SLC41A2: variants seen among roughly 807,000 people sequenced by gnomAD.
SLC41A2 encodes solute carrier family 41 member 2, also known as SLC41A1-like 1.
SLC41A2 carries 32 observed loss-of-function variants against 58.3 expected under a neutral mutation model. The observed-to-expected ratio is 0.55, with a 90% CI of 0.41 to 0.74. SLC41A2 has a LOEUF of 0.74. Ranked by LOEUF, SLC41A2 falls within the 30% of genes least tolerant of loss-of-function variation. The pLI is 0.00. For missense variants in SLC41A2, 514 were observed against 680.6 expected, an observed-to-expected ratio of 0.76 and a Z score of 2.72; for synonymous variants, 190 against 235.0, an observed-to-expected ratio of 0.81 and a Z score of 1.75.
chr12:104,809,833 G>A (rs1483061423), intron 10 of SLC41A2, among the ~76,000 whole-genome samples: 1 of 152,042 alleles, frequency 6.6e-6, no homozygotes, highest in Admixed American at 6.6e-5. Context: ...TAAAAGCATA[G>A]TGCACAGACT....
At chr12:104,918,055 T>A (rs2046410724) in intron 2 of SLC41A2, among the ~76,000 whole-genome samples, 1 of 149,968 alleles carries the variant, frequency 6.7e-6, no homozygotes, top group Admixed American at 6.7e-5. Context: ...TATGACAAAA[T>A]GACCAACTTC....
chr12:104,816,183 G>A (rs1397346033), intron 10 of SLC41A2, among the ~76,000 whole-genome samples: 2 of 151,986 alleles, frequency 1.3e-5, no homozygotes, highest in Non-Finnish European at 2.9e-5. Context: ...AAAGGAGAAC[G>A]AAGTGTTTCT....
chr12:104,944,191 C>T (rs1260367756), intron 1 of SLC41A2, among the ~76,000 whole-genome samples: 1 of 152,206 alleles, frequency 6.6e-6, no homozygotes, highest in Non-Finnish European at 1.5e-5. Flanking sequence ...ATCCACAAGG[C>T]CTTCTCTTTC....
chr12:104,892,936 T>C (rs1204482496), intron 4 of SLC41A2, among the ~76,000 whole-genome samples: 1 of 152,138 alleles, frequency 6.6e-6, no homozygotes, highest in East Asian at 1.9e-4. Flanking sequence ...AGGACATTGG[T>C]ATGGGCAAAA....
intron 7 of SLC41A2, among the ~76,000 whole-genome samples, chr12:104,865,885 T>C (rs900379024): frequency 1.3e-5 from 2 of 152,200 alleles, no homozygotes; most frequent in Admixed American, 1.3e-4. Flanking sequence ...CAATACCGTA[T>C]TGCAAGACCT....
chr12:104,811,130 G>A (rs1850770092), intron 10 of SLC41A2, among the ~76,000 whole-genome samples: 1 of 152,050 alleles, frequency 6.6e-6, no homozygotes, highest in Non-Finnish European at 1.5e-5. Flanking sequence ...GCTGACTCTA[G>A]GTCTTCCTGT....
chr12:104,895,218 A>G (rs1401230741), intron 4 of SLC41A2, 56 bp downstream of exon 4: 1 of 1,273,496 alleles, frequency 7.9e-7, no homozygotes. Flanking sequence ...AATCTTATAG[A>G]TTACAGTCAA....
At chr12:104,825,170 C>A (rs2041794446) in intron 10 of SLC41A2, among the ~76,000 whole-genome samples, 1 of 152,124 alleles carries the variant, frequency 6.6e-6, no homozygotes, top group African/African-American at 2.4e-5. Flanking sequence ...CAAATCAGAC[C>A]AATTTTTTCC....
chr12:104,829,744 C>A (rs1405953578), intron 10 of SLC41A2, among the ~76,000 whole-genome samples: 1 of 151,944 alleles, frequency 6.6e-6, no homozygotes, highest in Non-Finnish European at 1.5e-5. Context: ...CTAATGATAG[C>A]CTGCAGGGCA....
chr12:104,892,605 AATTATGCTACAG>A (rs1472305588), intron 4 of SLC41A2, among the ~76,000 whole-genome samples: 2 of 152,212 alleles, frequency 1.3e-5, no homozygotes, highest in African/African-American at 4.8e-5. Context: ...CCTGACTTCA[AATTATGCTACAG>A]AGCTATAGTA....
intron 1 of SLC41A2, among the ~76,000 whole-genome samples, chr12:104,935,341 A>G (rs917040679): frequency 6.6e-6 from 1 of 152,080 alleles, no homozygotes; most frequent in Non-Finnish European, 1.5e-5. Context: ...ATGCCAAAAA[A>G]AAATAGATTT....
intron 10 of SLC41A2, among the ~76,000 whole-genome samples, chr12:104,810,828 G>A (rs780697402): frequency 2.0e-5 from 3 of 152,126 alleles, no homozygotes; most frequent in Non-Finnish European, 4.4e-5. Context: ...ACCTGCCCAC[G>A]ATCACACAGC....
chr12:104,920,487 T>G (rs1266769919), intron 2 of SLC41A2, among the ~76,000 whole-genome samples: 6 of 151,774 alleles, frequency 4.0e-5, no homozygotes, highest in African/African-American at 1.5e-4. Context: ...AACTGATAAA[T>G]TCATTGAAAG....
In SLC41A2 at chr12:104,802,433, T is replaced by C. The variant is rs537649969; in HGVS notation, c.*2719A>G. 7 of 152,328 alleles carry C rather than the reference T, an allele frequency of 4.6e-5. No individual in the cohort carries two copies. Among genetic ancestry groups the C allele is most frequent in the African/African-American group, 1.7e-4 (7 of 41,592 alleles). The allele number at this position is 152,328 out of a possible 1,614,324, so 9.4% of individuals were successfully genotyped here. A position where few individuals can be genotyped will look rare whatever the true frequency, so the allele number is the denominator to read the frequency against. Reference sequence around the variant, plus strand: ...CAGTAATAATTTAAAGGAATCTACATCCCTTTTATAATCGGCGAATTGGTG... The same window carrying C: ...CAGTAATAATTTAAAGGAATCTACACCCCTTTTATAATCGGCGAATTGGTG... On this transcript the variant is annotated 3_prime_UTR_variant, in exon 11 of 11. Transcript: ENST00000258538.
At chr12:104,864,701 T>A (rs1239738539) in intron 7 of SLC41A2, among the ~76,000 whole-genome samples, 1 of 152,196 alleles carries the variant, frequency 6.6e-6, no homozygotes, top group Non-Finnish European at 1.5e-5. Context: ...TCCTCTACTT[T>A]ATATTCCAAC....
At chr12:104,943,333 C>T (rs978917490) in intron 1 of SLC41A2, among the ~76,000 whole-genome samples, 1 of 152,038 alleles carries the variant, frequency 6.6e-6, no homozygotes, top group Non-Finnish European at 1.5e-5. Context: ...AGCTTCAAAA[C>T]ACCAGACCCT....
intron 2 of SLC41A2, among the ~76,000 whole-genome samples, chr12:104,911,570 A>T (rs913503406): frequency 6.6e-6 from 1 of 152,250 alleles, no homozygotes; most frequent in South Asian, 2.1e-4. Flanking sequence ...AAAAATATAC[A>T]TGTCATGAAT....
At chr12:104,899,376 C>T (rs1331384183) in intron 3 of SLC41A2, among the ~76,000 whole-genome samples, 1 of 152,130 alleles carries the variant, frequency 6.6e-6, no homozygotes, top group Non-Finnish European at 1.5e-5. Flanking sequence ...GGGTTAAAAA[C>T]CAGACAGTGT....
intron 2 of SLC41A2, among the ~76,000 whole-genome samples, chr12:104,920,942 AAAT>A (rs375829328): frequency 0.019 from 2,847 of 151,224 alleles, 30 homozygotes; most frequent in African/African-American, 0.035. Context: ...AAATAAAATA[AAAT>A]AATAATAATA....
Sources: allele counts gnomAD v4.1 joint callset (sites outside exome capture counted in the v4.1 genomes callset), GRCh38; gene constraint gnomAD v4.1.1; transcripts MANE v1.5; gene names NCBI Gene and HGNC (gene_info 2026-07-23, HGNC 2026-07-21).